Variants in MAP3K20 observed in about 807,000 individuals in gnomAD.
The protein encoded by MAP3K20 is HCCS-4.
A neutral mutation model predicts 85.7 loss-of-function variants in MAP3K20; 40 were observed. The ratio of observed to expected loss-of-function variants is 0.47; its 90% CI spans 0.36 to 0.61. MAP3K20 has a LOEUF of 0.61. MAP3K20 is among the 20% of genes least tolerant of loss of function. MAP3K20 has a pLI of 0.00. For missense variants in MAP3K20, 817 were observed against 961.7 expected (o/e 0.85, Z 1.99); for synonymous variants, 325 against 327.7 (o/e 0.99, Z 0.09).
intron 9 of MAP3K20, among the ~76,000 whole-genome samples, chr2:173,209,416 T>C (rs959060511): frequency 6.6e-6 from 1 of 152,242 alleles, no homozygotes; most frequent in Non-Finnish European, 1.5e-5. Flanking sequence ...TGTTTCCTTT[T>C]AGGAGTTCTT....
intron 16 of MAP3K20, among the ~76,000 whole-genome samples, chr2:173,255,967 A>C (rs1685147918): frequency 6.6e-6 from 1 of 152,240 alleles, no homozygotes; most frequent in Admixed American, 6.5e-5. Context: ...AAATACTGAG[A>C]GATTTGTCAA....
At chr2:173,228,813 CAA>C (rs776188673) in intron 11 of MAP3K20, among the ~76,000 whole-genome samples, 30 of 31,142 alleles carry the variant, frequency 9.6e-4, no homozygotes, top group Non-Finnish European at 3.7e-3. Flanking sequence ...CAACCAAACT[CAA>C]CTTTTTTTTG....
At chr2:173,221,257 C>T (rs547368395) in intron 11 of MAP3K20, 66 of 1,613,764 alleles carry the variant, frequency 4.1e-5, no homozygotes, top group Admixed American at 2.0e-4. Flanking sequence ...CAACAAGTAA[C>T]GGGGAGGGCC....
intron 14 of MAP3K20, among the ~76,000 whole-genome samples, chr2:173,233,950 A>G (rs1334281535): frequency 6.6e-6 from 1 of 152,194 alleles, no homozygotes; most frequent in Admixed American, 6.5e-5. Context: ...ACTCATGCAT[A>G]GCGTATTTCC....
intron 16 of MAP3K20, 81 bp from the exon 17 acceptor site, chr2:173,258,618 T>C: frequency 2.7e-6 from 2 of 736,782 alleles, no homozygotes; most frequent in Non-Finnish European, 4.5e-6. Flanking sequence ...ATTTAGAATA[T>C]TTTATGTGTT....
At chr2:173,213,951 A>G (rs1055044116) in intron 10 of MAP3K20, among the ~76,000 whole-genome samples, 6 of 152,130 alleles carry the variant, frequency 3.9e-5, no homozygotes, top group Middle Eastern at 3.2e-3. Context: ...ACTTTTATCT[A>G]GTGTCTGAAA....
intron 16 of MAP3K20, among the ~76,000 whole-genome samples, chr2:173,256,510 T>TAGACAGACAGAC (rs1388571788): frequency 8.5e-5 from 11 of 130,148 alleles, no homozygotes; most frequent in African/African-American, 3.2e-4. Context: ...GATAGATAGA[T>TAGACAGACAGAC]AGATAGATAG....
intron 11 of MAP3K20, chr2:173,223,960 A>C (rs1411077783): frequency 1.0e-6 from 1 of 985,344 alleles, no homozygotes; most frequent in African/African-American, 1.7e-5. Flanking sequence ...TTTACAAGGC[A>C]AAGATAGTCA....
intron 1 of MAP3K20, among the ~76,000 whole-genome samples, chr2:173,080,435 C>T (rs369321724): frequency 1.1e-4 from 16 of 152,278 alleles, no homozygotes; most frequent in African/African-American, 3.9e-4. Context: ...GGTTCTGGAG[C>T]CTGGGAAGTC....
chr2:173,221,457 A>G (rs745544537), intron 11 of MAP3K20: 2 of 1,613,492 alleles, frequency 1.2e-6, no homozygotes, highest in East Asian at 2.2e-5. Flanking sequence ...AGTGATTTTG[A>G]CTTGTCAGAA....
At chr2:173,181,969 T>C (rs1237319869) in intron 3 of MAP3K20, among the ~76,000 whole-genome samples, 3 of 151,404 alleles carry the variant, frequency 2.0e-5, no homozygotes, top group Admixed American at 6.6e-5. Flanking sequence ...GGTGGGAGGA[T>C]TGCTTGAGCC....
intron 1 of MAP3K20, among the ~76,000 whole-genome samples, chr2:173,082,238 C>T (rs1052596249): frequency 9.2e-5 from 14 of 152,224 alleles, no homozygotes; most frequent in African/African-American, 3.4e-4. Context: ...AAATGCCTGA[C>T]CTCAAGCGAT....
intron 2 of MAP3K20, among the ~76,000 whole-genome samples, chr2:173,102,432 A>G (rs779226843): frequency 1.3e-5 from 2 of 152,160 alleles, no homozygotes; most frequent in Non-Finnish European, 2.9e-5. Context: ...TTTTGAACAT[A>G]TTTCCCAAAA....
chr2:173,266,098 C>T lies in MAP3K20; in HGVS notation c.1751C>T (p.Ser584Phe). ...LDTLRMRQIA[S>F]NTSLQRSQSN... Reference sequence around the variant, plus strand: ...ACTCTGAGGATGCGGCAGATTGCATCCAACACTTCTTTACAGCGTTCCCAG... The same window carrying T: ...ACTCTGAGGATGCGGCAGATTGCATTCAACACTTCTTTACAGCGTTCCCAG... The change falls in exon 20 of 20, where the codon TCC becomes TTC. Residue 584 changes from serine (S) to phenylalanine (F), a missense_variant. Transcript: ENST00000375213. 1.2e-6 allele frequency: 2 copies of T among 1,604,102 alleles called. No individual in the cohort carries two copies. Among genetic ancestry groups the T allele is most frequent in the Middle Eastern group, 3.3e-4 (2 of 6,054 alleles).
At chr2:173,221,121 T>C (rs767492360) in intron 11 of MAP3K20, 16 of 1,447,728 alleles carry the variant, frequency 1.1e-5, no homozygotes, top group African/African-American at 1.4e-5. Flanking sequence ...TTTCTCTTTT[T>C]ACTTCTGTCC....
intron 19 of MAP3K20, 111 bp downstream of exon 19, chr2:173,264,006 T>C: frequency 7.1e-7 from 1 of 1,403,370 alleles, no homozygotes. Flanking sequence ...TTAAGATCTA[T>C]CTTTGAGCTT....
chr2:173,133,278 T>C lies in MAP3K20; in HGVS notation c.160-36527T>C, dbSNP rs544738759. On this transcript the variant is annotated intron_variant, in intron 2 of 19. Coordinates refer to ENST00000375213, the MANE Select transcript of MAP3K20 (RefSeq NM_016653.3). Reference sequence around the variant, plus strand: ...AAAGTGTATAAGATCTGAAAGCAGATTGGGTAACACGTAGAGACGATGCAC... The same window carrying C: ...AAAGTGTATAAGATCTGAAAGCAGACTGGGTAACACGTAGAGACGATGCAC... Among the ~76,000 whole-genome samples the C allele has an allele frequency of 2.6e-5, 4 of 152,292 alleles. No homozygotes were observed. The South Asian group carries it at 6.2e-4, about 24-fold the overall frequency.
At chr2:173,180,805 T>C (rs984486108) in intron 3 of MAP3K20, among the ~76,000 whole-genome samples, 2 of 151,732 alleles carry the variant, frequency 1.3e-5, no homozygotes, top group Non-Finnish European at 2.9e-5. Context: ...AAAAGAAAAA[T>C]AGAAAATCTT....
intron 3 of MAP3K20, among the ~76,000 whole-genome samples, chr2:173,172,532 G>A (rs1416964684): frequency 6.6e-6 from 1 of 152,112 alleles, no homozygotes; most frequent in African/African-American, 2.4e-5. Context: ...GTTTTCTCAT[G>A]TGAATGAAGG....
Sources: gnomAD v4.1 joint callset for allele counts (sites outside exome capture counted in the v4.1 genomes callset) on GRCh38, gnomAD v4.1.1 for gene constraint, MANE v1.5 for transcripts, NCBI Gene and HGNC (gene_info 2026-07-23, HGNC 2026-07-21) for gene names.